Variants in ACSS3 observed in about 807,000 individuals in gnomAD.
ACSS3 encodes the protein acyl-CoA synthetase short chain family member 3, also known as acyl-CoA synthetase short-chain family member 3, mitochondrial.
ACSS3 carries 64 observed loss-of-function variants against 84.2 expected under a neutral mutation model. The observed-to-expected ratio is 0.76, with a 90% CI of 0.62 to 0.94. ACSS3 has a LOEUF of 0.94. ACSS3 is among the 40% of genes least tolerant of loss of function. The pLI is 0.00. For missense variants in ACSS3, 815 were observed against 867.6 expected, an observed-to-expected ratio of 0.94 and a Z score of 0.76; for synonymous variants, 317 against 310.1, an observed-to-expected ratio of 1.02 and a Z score of -0.23.
rs778657686 is a variant in ACSS3 at position 81,220,072 on chromosome 12, G to T, written c.1510G>T (p.Val504Leu). The stretch of plus-strand genomic sequence containing the variant: ...GGCTCGGTGTTTAGGAAATATTGTG[G>T]TAAAGTAAGCAAAAATTTCAATACT... Reference protein sequence around the residue: ...LKARCLGNIVVKLPLPPGAFS... With the variant: ...LKARCLGNIVLKLPLPPGAFS... The change falls in exon 11 of 16, where the codon GTA (valine) becomes TTA (leucine). Residue 504 changes from valine (V) to leucine (L), a missense_variant. Transcript: ENST00000548058. 9.1e-6 allele frequency: 14 copies of T among 1,533,842 alleles called. No individual in the cohort carries two copies. The East Asian group carries it at 2.6e-4, about 29-fold the overall frequency.
At chr12:81,195,481 G>A (rs916229203) in intron 8 of ACSS3, among the ~76,000 whole-genome samples, 6 of 151,964 alleles carry the variant, frequency 3.9e-5, no homozygotes, top group Admixed American at 2.6e-4. Flanking sequence ...TCCCTCAGAT[G>A]AGGTCATTTT....
At chr12:81,241,034 A>C (rs970771983) in intron 13 of ACSS3, among the ~76,000 whole-genome samples, 1 of 122,842 alleles carries the variant, frequency 8.1e-6, no homozygotes, top group African/African-American at 3.1e-5. Context: ...CCCTTCCTGC[A>C]TCCATGTGTT....
At chr12:81,174,747 C>T in intron 7 of ACSS3, 41 bp from the exon 8 acceptor site, 1 of 1,587,036 alleles carries the variant, frequency 6.3e-7, no homozygotes, top group Non-Finnish European at 8.6e-7. Context: ...TGAAATATGA[C>T]ACATTTTATC....
chr12:81,210,381 A>G (rs1372306674), intron 9 of ACSS3, among the ~76,000 whole-genome samples: 6 of 152,204 alleles, frequency 3.9e-5, no homozygotes, highest in Non-Finnish European at 8.8e-5. Context: ...ATTCCATCAA[A>G]AGGTGATATC....
upstream of ACSS3, chr12:81,078,046 C>G (rs1880724625): frequency 7.1e-7 from 1 of 1,412,272 alleles, no homozygotes; most frequent in Non-Finnish European, 9.3e-7. Context: ...GCCCCCTACT[C>G]CCTTCCCTCA....
intron 11 of ACSS3, among the ~76,000 whole-genome samples, chr12:81,221,310 A>G (rs2033100409): frequency 6.6e-6 from 1 of 152,074 alleles, no homozygotes; most frequent in Non-Finnish European, 1.5e-5. Flanking sequence ...TACTATAAAT[A>G]CAGAGCATCA....
chr12:81,113,548 G>C (rs781575704), intron 2 of ACSS3, among the ~76,000 whole-genome samples: 4 of 151,932 alleles, frequency 2.6e-5, no homozygotes, highest in Non-Finnish European at 5.9e-5. Context: ...TTCCACGAAG[G>C]CAGTGACTTT....
At chr12:81,235,390 G>A (rs2033600793) in intron 13 of ACSS3, among the ~76,000 whole-genome samples, 1 of 151,084 alleles carries the variant, frequency 6.6e-6, no homozygotes, top group African/African-American at 2.4e-5. Context: ...CTGTAGCTAT[G>A]TAGTGTATCT....
At chr12:81,129,055 T>C (rs1885307672) in intron 2 of ACSS3, among the ~76,000 whole-genome samples, 1 of 152,290 alleles carries the variant, frequency 6.6e-6, no homozygotes, top group Middle Eastern at 3.4e-3. Context: ...AGACCAGCTC[T>C]GGTGTGGTTA....
chr12:81,257,985 T>C lies in ACSS3; in HGVS notation c.*3063T>C, dbSNP rs531018394. 2.9e-4 allele frequency: 44 copies of C among 152,316 alleles called. No homozygotes were observed. Among genetic ancestry groups the C allele is most frequent in the African/African-American group, 1.1e-3 (44 of 41,572 alleles). The allele number at this position is 152,316 out of a possible 1,614,324, so 9.4% of individuals were successfully genotyped here. A position where few individuals can be genotyped will look rare whatever the true frequency, so the allele number is the denominator to read the frequency against. ...ATAATAGTAGATACAAATCTAGTTATGGCATTATAATGTCGTAGTTCCTAT... is the reference window on the plus strand; with the variant it reads ...ATAATAGTAGATACAAATCTAGTTACGGCATTATAATGTCGTAGTTCCTAT... On this transcript the variant is annotated 3_prime_UTR_variant, in exon 16 of 16. Transcript: ENST00000548058.
chr12:81,162,757 C>A (rs931122889), intron 7 of ACSS3, among the ~76,000 whole-genome samples: 12 of 152,142 alleles, frequency 7.9e-5, no homozygotes, highest in African/African-American at 2.9e-4. Flanking sequence ...CCATCCTCAG[C>A]CCCCTTTGAT....
At chr12:81,235,489 A>T (rs555850754) in intron 13 of ACSS3, among the ~76,000 whole-genome samples, 1 of 151,438 alleles carries the variant, frequency 6.6e-6, no homozygotes, top group African/African-American at 2.4e-5. Flanking sequence ...TTCCACATAC[A>T]TATTAGCATA....
At chr12:81,203,252 T>C (rs895891458) in intron 9 of ACSS3, among the ~76,000 whole-genome samples, 1 of 152,166 alleles carries the variant, frequency 6.6e-6, no homozygotes. Context: ...CCTCTATTCT[T>C]GTTCTTTCTG....
Position 81,257,503 on chromosome 12 carries a change from G to A in ACSS3, c.*2581G>A, listed in dbSNP as rs2034345201. The A allele has an allele frequency of 1.3e-5, 2 of 152,028 alleles. No homozygotes were observed. Among genetic ancestry groups the A allele is most frequent in the African/African-American group, 4.8e-5 (2 of 41,410 alleles). The allele number at this position is 152,028 out of a possible 1,614,324, so 9.4% of individuals were successfully genotyped here. A position where few individuals can be genotyped will look rare whatever the true frequency, so the allele number is the denominator to read the frequency against. Reference sequence around the variant, plus strand: ...AACTTGCTAGAATAAATTCTGTGAGGTCTTCGTTTGGTATTTTCATAGGAT... The same window carrying A: ...AACTTGCTAGAATAAATTCTGTGAGATCTTCGTTTGGTATTTTCATAGGAT... On this transcript the variant is annotated 3_prime_UTR_variant, in exon 16 of 16. Coordinates refer to ENST00000548058, the MANE Select transcript of ACSS3 (RefSeq NM_024560.4).
chr12:81,114,494 A>T (rs1356225396), intron 2 of ACSS3, among the ~76,000 whole-genome samples: 3 of 152,144 alleles, frequency 2.0e-5, no homozygotes, highest in Non-Finnish European at 4.4e-5. Flanking sequence ...CACTTAAGAC[A>T]CAAAAACCAG....
At chr12:81,221,972 A>G (rs960604725) in intron 11 of ACSS3, among the ~76,000 whole-genome samples, 4 of 152,040 alleles carry the variant, frequency 2.6e-5, no homozygotes, top group Admixed American at 6.6e-5. Flanking sequence ...TGTCACTCTA[A>G]TTATGGGCTG....
At chr12:81,160,251 A>G (rs1887083689) in intron 7 of ACSS3, among the ~76,000 whole-genome samples, 1 of 152,236 alleles carries the variant, frequency 6.6e-6, no homozygotes, top group African/African-American at 2.4e-5. Context: ...CTCTCATTTT[A>G]CATTTGTTTG....
intron 13 of ACSS3, among the ~76,000 whole-genome samples, chr12:81,241,647 T>G (rs1444639253): frequency 6.6e-6 from 1 of 152,226 alleles, no homozygotes; most frequent in East Asian, 1.9e-4. Context: ...TTGAGAAGTG[T>G]CTGTTCATAT....
At chr12:81,122,866 C>T (rs918654265) in intron 2 of ACSS3, among the ~76,000 whole-genome samples, 2 of 152,000 alleles carry the variant, frequency 1.3e-5, no homozygotes, top group African/African-American at 4.8e-5. Context: ...TACAAATACT[C>T]TAGGAAGCGT....
Sources: gnomAD v4.1 joint callset for allele counts (sites outside exome capture counted in the v4.1 genomes callset) on GRCh38, gnomAD v4.1.1 for gene constraint, MANE v1.5 for transcripts, NCBI Gene and HGNC (gene_info 2026-07-23, HGNC 2026-07-21) for gene names.